The following EPHB1 variants were observed in gnomAD, a reference collection of about 807,000 sequenced individuals.
The protein encoded by EPHB1 is ephrin type-B receptor 1.
Under a neutral mutation model 94.4 loss-of-function variants are expected in EPHB1, and 30 were observed. That is an observed-to-expected ratio of 0.32 (90% CI 0.24 to 0.43). The LOEUF is 0.43. Ranked by LOEUF, EPHB1 falls within the 20% of genes least tolerant of loss-of-function variation. The pLI is 1.00. For missense variants in EPHB1, 1,055 were observed against 1,308.3 expected (o/e 0.81, Z 2.99); for synonymous variants, 522 against 489.1 (o/e 1.07, Z -0.89).
At chr3:134,990,860 T>A (rs1934772109) in intron 3 of EPHB1, among the ~76,000 whole-genome samples, 1 of 152,254 alleles carries the variant, frequency 6.6e-6, no homozygotes, top group African/African-American at 2.4e-5. Context: ...ATTGTTACTT[T>A]GATCCACAAT....
intron 10 of EPHB1, among the ~76,000 whole-genome samples, chr3:135,185,968 C>T (rs1942317772): frequency 6.6e-6 from 1 of 152,224 alleles, no homozygotes; most frequent in African/African-American, 2.4e-5. Context: ...TACCCTGGTC[C>T]TGTCTTCTGG....
intron 1 of EPHB1, among the ~76,000 whole-genome samples, chr3:134,804,254 G>T (rs1156383251): frequency 6.6e-6 from 1 of 151,926 alleles, no homozygotes; most frequent in Non-Finnish European, 1.5e-5. Context: ...TTTCTTATAT[G>T]GCAGTGGTAA....
At chr3:134,861,850 C>T (rs2037267369) in intron 1 of EPHB1, among the ~76,000 whole-genome samples, 1 of 151,998 alleles carries the variant, frequency 6.6e-6, no homozygotes, top group Non-Finnish European at 1.5e-5. Flanking sequence ...CCTGCATGTC[C>T]TTCACATGTA....
At chr3:134,941,444 G>C (rs1374330889) in intron 2 of EPHB1, among the ~76,000 whole-genome samples, 2 of 149,974 alleles carry the variant, frequency 1.3e-5, no homozygotes, top group Non-Finnish European at 3.0e-5. Flanking sequence ...ACTGTCTTTA[G>C]AGGCACAGAG....
At chr3:134,903,194 G>A (rs899879989) in intron 1 of EPHB1, among the ~76,000 whole-genome samples, 4 of 152,340 alleles carry the variant, frequency 2.6e-5, no homozygotes, top group African/African-American at 7.2e-5. Context: ...TTGGAGCTCT[G>A]GGTGGCTCCG....
chr3:135,241,786 A>G (rs1943790644), intron 13 of EPHB1, among the ~76,000 whole-genome samples: 1 of 152,172 alleles, frequency 6.6e-6, no homozygotes, highest in Non-Finnish European at 1.5e-5. Context: ...TCTTAGCTTT[A>G]AAGAGAGTAA....
intron 1 of EPHB1, among the ~76,000 whole-genome samples, chr3:134,837,670 A>G (rs1030809979): frequency 3.3e-5 from 5 of 152,212 alleles, no homozygotes; most frequent in African/African-American, 1.2e-4. Context: ...TCTTGCTCAT[A>G]TCTAGAAAGG....
chr3:134,826,917 C>A (rs2036490764), intron 1 of EPHB1, among the ~76,000 whole-genome samples: 1 of 152,176 alleles, frequency 6.6e-6, no homozygotes, highest in South Asian at 2.1e-4. Flanking sequence ...ACGCAACATC[C>A]ATGGGGTATT....
chr3:134,835,733 G>T (rs141607196), intron 1 of EPHB1, among the ~76,000 whole-genome samples: 1 of 152,182 alleles, frequency 6.6e-6, no homozygotes, highest in South Asian at 2.1e-4. Flanking sequence ...TCTGTGAAGG[G>T]AATAGCCTGA....
intron 6 of EPHB1, among the ~76,000 whole-genome samples, chr3:135,159,653 C>T (rs774076698): frequency 4.4e-4 from 67 of 152,162 alleles, no homozygotes; most frequent in Non-Finnish European, 1.0e-4. Context: ...GGGAGGATCC[C>T]CTTGTGTTTA....
At chr3:135,093,507 C>G (rs1938634063) in intron 3 of EPHB1, among the ~76,000 whole-genome samples, 1 of 152,176 alleles carries the variant, frequency 6.6e-6, no homozygotes, top group African/African-American at 2.4e-5. Context: ...CACTTGAGGT[C>G]AGGAGTTCAA....
At chr3:135,126,015 C>T (rs753168711) in intron 4 of EPHB1, among the ~76,000 whole-genome samples, 2 of 152,196 alleles carry the variant, frequency 1.3e-5, no homozygotes, top group Admixed American at 6.5e-5. Flanking sequence ...GAAAGAAACA[C>T]TCTGGTAGAA....
intron 15 of EPHB1, 38 bp from the exon 16 acceptor site, chr3:135,258,974 A>G: frequency 6.7e-7 from 1 of 1,496,274 alleles, no homozygotes; most frequent in South Asian, 1.2e-5. Context: ...AGCTAACCTA[A>G]CACTAAAGTG....
chr3:135,155,560 T>G (rs1045508447), intron 6 of EPHB1, among the ~76,000 whole-genome samples: 11 of 151,708 alleles, frequency 7.3e-5, no homozygotes, highest in African/African-American at 2.7e-4. Flanking sequence ...TCCTAGCACG[T>G]TGGGAGGCTG....
At chr3:135,138,038 G>A (rs576421195) in intron 5 of EPHB1, among the ~76,000 whole-genome samples, 3 of 152,316 alleles carry the variant, frequency 2.0e-5, no homozygotes, top group East Asian at 3.9e-4. Context: ...GCTCAGAGGA[G>A]CCTCTCTATC....
At chr3:135,061,374 C>CCCT (rs1553727860) in intron 3 of EPHB1, among the ~76,000 whole-genome samples, 2 of 126,414 alleles carry the variant, frequency 1.6e-5, no homozygotes, top group Non-Finnish European at 3.2e-5. Flanking sequence ...GACCACCCCC[C>CCCT]CCGACCCAAG....
intron 4 of EPHB1, among the ~76,000 whole-genome samples, chr3:135,118,233 G>C (rs1011360283): frequency 1.3e-5 from 2 of 152,154 alleles, no homozygotes; most frequent in Admixed American, 6.5e-5. Context: ...CCAAGTCTTC[G>C]GAGACAGAGA....
intron 1 of EPHB1, among the ~76,000 whole-genome samples, chr3:134,911,777 G>A (rs2038461130): frequency 6.6e-6 from 1 of 152,164 alleles, no homozygotes; most frequent in Admixed American, 6.5e-5. Flanking sequence ...AGTCTGGTCT[G>A]GGATGTGTCC....
At chr3:135,245,513 CAAAAAAAAA>C (rs57521935) in intron 13 of EPHB1, among the ~76,000 whole-genome samples, 19 of 124,030 alleles carry the variant, frequency 1.5e-4, no homozygotes, top group Admixed American at 1.6e-4. Flanking sequence ...GAACAGTCTT[CAAAAAAAAA>C]AAAAAAAAAA....
Sources: allele counts gnomAD v4.1 joint callset (sites outside exome capture counted in the v4.1 genomes callset), GRCh38; gene constraint gnomAD v4.1.1; transcripts MANE v1.5; gene names NCBI Gene and HGNC (gene_info 2026-07-23, HGNC 2026-07-21).